VDAC2: variants seen among roughly 807,000 people sequenced by gnomAD.
VDAC2 encodes the protein non-selective voltage-gated ion channel VDAC2.
In VDAC2, 6 loss-of-function variants were observed where a neutral mutation model predicts 36.6. The ratio of observed to expected loss-of-function variants is 0.16; its 90% confidence interval spans 0.09 to 0.32. VDAC2 has a LOEUF of 0.32. Ranked by LOEUF, VDAC2 falls within the 10% of genes least tolerant of loss-of-function variation. The pLI is 1.00. For synonymous variants in VDAC2, 109 were observed against 123.8 expected (o/e 0.88, Z 0.79); for missense variants, 247 against 346.0 (o/e 0.71, Z 2.27).
At chr10:75,213,932 CTT>C in intron 3 of VDAC2, 87 bp from the exon 4 acceptor site, 2 of 1,269,114 alleles carry the variant, frequency 1.6e-6, no homozygotes, top group East Asian at 2.4e-5. Context: ...TATGTGGAAT[CTT>C]TTTGTTTTTT....
intron 3 of VDAC2, among the ~76,000 whole-genome samples, chr10:75,213,744 AAAATAAATAAAT>A (rs375298465): frequency 1.3e-4 from 19 of 151,792 alleles, no homozygotes; most frequent in African/African-American, 1.2e-4. Context: ...ACTCCGTCTC[AAAATAAATAAAT>A]AAATAAATAA....
intron 4 of VDAC2, among the ~76,000 whole-genome samples, chr10:75,214,276 G>T (rs1032891064): frequency 2.0e-5 from 3 of 152,158 alleles, no homozygotes; most frequent in African/African-American, 7.2e-5. Context: ...TATTATGTAT[G>T]CACAAGGAAC....
chr10:75,211,349 C>T lies in VDAC2; in HGVS notation c.31+160C>T, dbSNP rs917215906. On this transcript the variant is annotated intron_variant, in intron 2 of 9. Coordinates refer to ENST00000332211, the MANE Select transcript of VDAC2 (RefSeq NM_001391963.1). ...GACCACCTCCTCTGCGGAGGAGGGG[C>T]TGGGCTGCTGGATTTCAAATGGGGA... 6 of 1,370,058 alleles carry T rather than the reference C, an allele frequency of 4.4e-6. No individual in the cohort carries two copies. The African/African-American group carries it at 5.9e-5, about 13-fold the overall frequency. The allele number at this position is 1,370,058 out of a possible 1,614,324, so 84.9% of individuals were successfully genotyped here.
At position 75,221,597 on chromosome 10, in the gene VDAC2, G is replaced by A. The variant is rs562851639; in HGVS notation, c.584+627G>A. Among the ~76,000 whole-genome samples, 23 of 152,262 alleles carry A rather than the reference G, an allele frequency of 1.5e-4. No individual in the cohort carries two copies. In the South Asian group the frequency reaches 4.1e-3, roughly 27 times the overall value. The stretch of plus-strand genomic sequence containing the variant: ...CTGCCAAAGTGCTGGGATTACAGGC[G>A]TGAGCCACTGTGCCCGGCTATTGTT... On this transcript the variant is annotated intron_variant, in intron 7 of 9. Transcript: ENST00000332211.
chr10:75,222,540 G>C, intron 8 of VDAC2, 138 bp downstream of exon 8: 6 of 1,234,798 alleles, frequency 4.9e-6, no homozygotes, highest in Non-Finnish European at 6.8e-6. Flanking sequence ...ATTTTGAAAT[G>C]CGCTTTTTTG....
intron 9 of VDAC2, 132 bp downstream of exon 9, chr10:75,229,833 C>G (rs1842055331): frequency 1.7e-6 from 1 of 576,512 alleles, no homozygotes; most frequent in Non-Finnish European, 2.8e-6. Flanking sequence ...ACGTGTTTAC[C>G]TTTTACCACA....
intron 4 of VDAC2, among the ~76,000 whole-genome samples, chr10:75,214,915 C>CT (rs571353202): frequency 2.0e-4 from 30 of 152,052 alleles, no homozygotes; most frequent in Non-Finnish European, 4.4e-4. Flanking sequence ...TAATATTTAA[C>CT]TTTTTTCGAG....
intron 8 of VDAC2, 111 bp from the exon 9 acceptor site, chr10:75,229,533 G>T: frequency 1.3e-6 from 1 of 767,332 alleles, no homozygotes; most frequent in Non-Finnish European, 2.1e-6. Flanking sequence ...GAATTTTATT[G>T]TCTCACGTGA....
At chr10:75,211,705 A>G in intron 2 of VDAC2, 1 of 1,541,132 alleles carries the variant, frequency 6.5e-7, no homozygotes, top group East Asian at 2.4e-5. Flanking sequence ...TAGACATTTG[A>G]GTGAAACACA....
Position 75,221,115 on chromosome 10 carries a change from C to T in VDAC2, c.584+145C>T, listed in dbSNP as rs1025828035. On this transcript the variant is annotated intron_variant, in intron 7 of 9. Transcript: ENST00000332211. Reference sequence around the variant, plus strand: ...CATTCTTGGTCATTTCTAGGGTGCCCCTTGAAAGTTTATAGTAGAAGACTG... The same window carrying T: ...CATTCTTGGTCATTTCTAGGGTGCCTCTTGAAAGTTTATAGTAGAAGACTG... The T allele has an allele frequency of 5.9e-6, 5 of 842,108 alleles. No individual in the cohort carries two copies. In the African/African-American group the frequency reaches 8.6e-5, roughly 14 times the overall value. 52.2% of individuals were successfully genotyped at this position (842,108 alleles called of 1,614,324 possible).
intron 4 of VDAC2, among the ~76,000 whole-genome samples, chr10:75,215,293 A>C (rs1841564584): frequency 6.6e-6 from 1 of 152,060 alleles, no homozygotes; most frequent in Non-Finnish European, 1.5e-5. Flanking sequence ...GTGTGTGTGC[A>C]CATTAGAATA....
intron 4 of VDAC2, among the ~76,000 whole-genome samples, chr10:75,217,314 CGAA>C (rs1217041510): frequency 1.3e-5 from 2 of 152,108 alleles, no homozygotes; most frequent in Non-Finnish European, 2.9e-5. Flanking sequence ...GTAAATGACA[CGAA>C]GAACTGGACA....
chr10:75,215,702 A>G (rs1841581712), intron 4 of VDAC2, among the ~76,000 whole-genome samples: 1 of 146,076 alleles, frequency 6.8e-6, no homozygotes, highest in Admixed American at 6.9e-5. Context: ...ATTTAATCGT[A>G]TTGTAGTTTT....
chr10:75,225,788 G>C (rs1841935428), intron 8 of VDAC2, among the ~76,000 whole-genome samples: 1 of 151,570 alleles, frequency 6.6e-6, no homozygotes, highest in African/African-American at 2.4e-5. Context: ...ATAGGACCGA[G>C]TAGGTTTTTT....
chr10:75,220,344 G>A (rs972826928), intron 6 of VDAC2, among the ~76,000 whole-genome samples: 3 of 150,434 alleles, frequency 2.0e-5, no homozygotes, highest in African/African-American at 7.4e-5. Context: ...CCTGACCTCA[G>A]GTGATCCGCC....
intron 7 of VDAC2, 70 bp downstream of exon 7, chr10:75,221,040 T>C (rs1203309321): frequency 2.3e-5 from 33 of 1,436,376 alleles, no homozygotes; most frequent in Non-Finnish European, 3.0e-5. Flanking sequence ...TGTCATCTTA[T>C]TGATCTGGGT....
chr10:75,212,447 C>CTGT (rs1841454987), intron 3 of VDAC2, 149 bp downstream of exon 3: 2 of 733,484 alleles, frequency 2.7e-6, no homozygotes, highest in African/African-American at 3.5e-5. Context: ...GGGTCTCCCT[C>CTGT]TGTTGCCCAG....
intron 4 of VDAC2, among the ~76,000 whole-genome samples, chr10:75,215,661 A>T: frequency 6.6e-6 from 1 of 151,022 alleles, no homozygotes; most frequent in Non-Finnish European, 1.5e-5. Flanking sequence ...CTATATAGAC[A>T]TTTTTGATGT....
At chr10:75,218,920 G>T in intron 4 of VDAC2, 143 bp from the exon 5 acceptor site, 1 of 802,388 alleles carries the variant, frequency 1.2e-6, no homozygotes, top group Non-Finnish European at 1.9e-6. Context: ...CAGTGCAGAA[G>T]GATACGAGTG....
Sources: gnomAD v4.1 joint callset for allele counts (sites outside exome capture counted in the v4.1 genomes callset) on GRCh38, gnomAD v4.1.1 for gene constraint, MANE v1.5 for transcripts, NCBI Gene and HGNC (gene_info 2026-07-23, HGNC 2026-07-21) for gene names.